Variants in RORA observed in about 807,000 individuals in gnomAD.
The protein encoded by RORA is nuclear receptor ROR-alpha.
RORA carries 7 observed loss-of-function variants against 69.5 expected under a neutral mutation model. The ratio of observed to expected loss-of-function variants is 0.10; its 90% CI spans 0.06 to 0.19. RORA has a LOEUF of 0.19. Among genes scored for constraint, RORA ranks in the 10% least tolerant of loss-of-function variants. The probability of loss-of-function intolerance (pLI) is 1.00; values close to 1 mark genes in which losing one functional copy is unlikely to be tolerated. For synonymous variants in RORA, 261 were observed against 240.8 expected (o/e 1.08, Z -0.78); for missense variants, 457 against 663.0 (o/e 0.69, Z 3.41).
intron 1 of RORA, among the ~76,000 whole-genome samples, chr15:61,227,427 G>A (rs2080157325): frequency 1.3e-5 from 2 of 151,686 alleles, no homozygotes; most frequent in African/African-American, 4.8e-5. Context: ...AGCCCTCGCC[G>A]CCCCCCTCCC....
intron 1 of RORA, among the ~76,000 whole-genome samples, chr15:60,880,287 C>A (rs1394370656): frequency 1.3e-5 from 2 of 152,174 alleles, no homozygotes; most frequent in Non-Finnish European, 2.9e-5. Flanking sequence ...ACTTTTGGTC[C>A]TAATTTCTCA....
At chr15:61,051,956 T>C (rs1201831190) in intron 1 of RORA, among the ~76,000 whole-genome samples, 1 of 152,214 alleles carries the variant, frequency 6.6e-6, no homozygotes, top group Non-Finnish European at 1.5e-5. Flanking sequence ...TTACATCCTA[T>C]TGTGGCTGCA....
At chr15:61,040,845 C>T (rs1424214578) in intron 1 of RORA, among the ~76,000 whole-genome samples, 4 of 152,044 alleles carry the variant, frequency 2.6e-5, no homozygotes, top group African/African-American at 4.8e-5. Context: ...CTCATTTTTT[C>T]AAAGGTTGTT....
intron 2 of RORA, among the ~76,000 whole-genome samples, chr15:60,567,067 G>A (rs1429081241): frequency 6.6e-6 from 1 of 152,048 alleles, no homozygotes; most frequent in African/African-American, 2.4e-5. Flanking sequence ...TACTAACAAA[G>A]ATGAACTAGC....
intron 1 of RORA, among the ~76,000 whole-genome samples, chr15:60,946,874 C>T (rs1428242922): frequency 5.3e-5 from 8 of 151,500 alleles, no homozygotes; most frequent in African/African-American, 1.9e-4. Flanking sequence ...GCGCCTCTGC[C>T]CCGCCGCCCC....
Position 60,488,604 on chromosome 15 carries a change from T to C in RORA, c.*8851A>G, listed in dbSNP as rs532320750. On this transcript the variant is annotated 3_prime_UTR_variant, in exon 11 of 11. Transcript: ENST00000335670. ...AAGAAAACCCAAGGTAAGTGAAAAG[T>C]TGGACGATCCTCTAATAAAGATCAT... The C allele has an allele frequency of 2.0e-5, 3 of 152,270 alleles. No individual in the cohort carries two copies. The highest frequency in any genetic ancestry group is 1.9e-4 in the East Asian group (1 of 5,182). The allele number at this position is 152,270 out of a possible 1,614,324, so 9.4% of individuals were successfully genotyped here.
intron 1 of RORA, among the ~76,000 whole-genome samples, chr15:61,033,901 C>CA (rs35596498): frequency 3.3e-5 from 5 of 150,692 alleles, no homozygotes; most frequent in African/African-American, 1.2e-4. Flanking sequence ...GACCATGTCT[C>CA]AAAAAAAAAA....
At chr15:61,217,463 C>T (rs529381916) in intron 1 of RORA, among the ~76,000 whole-genome samples, 3 of 151,942 alleles carry the variant, frequency 2.0e-5, no homozygotes, top group Non-Finnish European at 4.4e-5. Flanking sequence ...CTAGGTGAGG[C>T]AGAGGAGGAG....
chr15:61,084,371 C>A (rs954374182), intron 1 of RORA, among the ~76,000 whole-genome samples: 3 of 152,188 alleles, frequency 2.0e-5, no homozygotes, highest in African/African-American at 7.2e-5. Context: ...AAAGATAGAG[C>A]AAATTGCATA....
intron 1 of RORA, among the ~76,000 whole-genome samples, chr15:60,842,743 C>G (rs1346635387): frequency 2.6e-5 from 4 of 151,878 alleles, no homozygotes; most frequent in South Asian, 4.2e-4. Context: ...CACCCCCTCC[C>G]AAACCCAAAC....
In RORA at chr15:61,005,944, A is replaced by T. The variant is rs535565346; in HGVS notation, c.166+223109T>A. Among the ~76,000 whole-genome samples the T allele has an allele frequency of 2.5e-4, 37 of 150,564 alleles. 1 individual carries two copies. In the East Asian group the frequency reaches 4.0e-3, roughly 16 times the overall value. On this transcript the variant is annotated intron_variant, in intron 1 of 10. Transcript: ENST00000335670. ...GGTAGGCTTAGAGCCATATATATAT[A>T]TTTTTTGTTTGTTTGTTTTGTTTTG...
chr15:61,045,885 C>T (rs919674568), intron 1 of RORA, among the ~76,000 whole-genome samples: 5 of 152,218 alleles, frequency 3.3e-5, no homozygotes, highest in African/African-American at 9.7e-5. Context: ...GAAGCAAATG[C>T]TAAGGGAAAA....
chr15:60,670,054 G>A (rs2070440905), intron 2 of RORA, among the ~76,000 whole-genome samples: 1 of 152,108 alleles, frequency 6.6e-6, no homozygotes, highest in South Asian at 2.1e-4. Context: ...TCCAGCCTCT[G>A]TTCCTCAGAC....
intron 3 of RORA, among the ~76,000 whole-genome samples, chr15:60,521,491 C>T (rs961795770): frequency 3.3e-5 from 5 of 152,092 alleles, no homozygotes; most frequent in Non-Finnish European, 5.9e-5. Flanking sequence ...TCGCCTGCCT[C>T]GGCCTCCCAA....
At chr15:60,656,959 ACT>A (rs2070230368) in intron 2 of RORA, among the ~76,000 whole-genome samples, 1 of 152,044 alleles carries the variant, frequency 6.6e-6, no homozygotes, top group Admixed American at 6.6e-5. Flanking sequence ...CTCCCTAGTG[ACT>A]CTCTTTTTGG....
chr15:60,993,777 T>G (rs1325439725), intron 1 of RORA, among the ~76,000 whole-genome samples: 1 of 152,100 alleles, frequency 6.6e-6, no homozygotes, highest in African/African-American at 2.4e-5. Context: ...CTGCAATCTT[T>G]TAAACCATCA....
At chr15:60,812,904 G>C (rs531561207) in intron 1 of RORA, among the ~76,000 whole-genome samples, 9 of 152,286 alleles carry the variant, frequency 5.9e-5, no homozygotes, top group African/African-American at 2.2e-4. Context: ...TAATAAAAAA[G>C]GACACTGCCA....
chr15:60,597,633 CAT>C (rs1382402262), intron 2 of RORA, among the ~76,000 whole-genome samples: 20 of 24,246 alleles, frequency 8.2e-4, no homozygotes, highest in African/African-American at 1.2e-3. Context: ...CATATATATA[CAT>C]ATATATATAT....
intron 1 of RORA, among the ~76,000 whole-genome samples, chr15:60,724,374 C>A (rs952725790): frequency 6.6e-6 from 1 of 152,122 alleles, no homozygotes; most frequent in Non-Finnish European, 1.5e-5. Flanking sequence ...TTATCCCTAT[C>A]ATAGTAAAGG....
Sources: gnomAD v4.1 joint callset for allele counts (sites outside exome capture counted in the v4.1 genomes callset) on GRCh38, gnomAD v4.1.1 for gene constraint, MANE v1.5 for transcripts, NCBI Gene and HGNC (gene_info 2026-07-23, HGNC 2026-07-21) for gene names.